Variants in TSHZ3 observed in about 807,000 individuals in gnomAD.
The protein encoded by TSHZ3 is teashirt homolog 3.
A neutral mutation model predicts 64.5 loss-of-function variants in TSHZ3; 10 were observed. The observed-to-expected ratio is 0.16, with a 90% confidence interval of 0.10 to 0.26. TSHZ3 has a LOEUF of 0.26. Ranked by LOEUF, TSHZ3 falls within the 10% of genes least tolerant of loss-of-function variation. The pLI is 1.00. For synonymous variants in TSHZ3, 608 were observed against 593.1 expected (o/e 1.03, Z -0.36); for missense variants, 1,242 against 1,421.7 (o/e 0.87, Z 2.03).
chr19:31,275,996 A>G lies in TSHZ3; in HGVS notation c.*551T>C, dbSNP rs971287184. 7 of 152,798 alleles carry G rather than the reference A, an allele frequency of 4.6e-5. No individual in the cohort carries two copies. Among genetic ancestry groups the G allele is most frequent in the Admixed American group, 1.3e-4 (2 of 15,302 alleles). 9.5% of individuals were successfully genotyped at this position (152,798 alleles called of 1,614,324 possible). A position where few individuals can be genotyped will look rare whatever the true frequency, so the allele number is the denominator to read the frequency against. Reference sequence around the variant, plus strand: ...TTCAATGTGAAAATAATATTCTTTTAAATTTCAAGGCGTGTTATACCCCTG... The same window carrying G: ...TTCAATGTGAAAATAATATTCTTTTGAATTTCAAGGCGTGTTATACCCCTG... On this transcript the variant is annotated 3_prime_UTR_variant, in exon 2 of 2. Coordinates refer to ENST00000240587, the MANE Select transcript of TSHZ3 (RefSeq NM_020856.4).
intron 1 of TSHZ3, among the ~76,000 whole-genome samples, chr19:31,311,110 C>G (rs552070791): frequency 6.6e-6 from 1 of 152,218 alleles, no homozygotes; most frequent in Non-Finnish European, 1.5e-5. Flanking sequence ...AAAATTCTCT[C>G]TCCGTCTCAG....
intron 4 of TSHZ3, among the ~76,000 whole-genome samples, chr19:31,218,981 G>A (rs1000837264): frequency 6.6e-6 from 1 of 152,192 alleles, no homozygotes; most frequent in Non-Finnish European, 1.5e-5. Flanking sequence ...CACTGTGACT[G>A]TCAGGAGGTT....
chr19:31,152,221 CTG>C (rs143245676), intron 6 of TSHZ3, among the ~76,000 whole-genome samples: 5,133 of 151,980 alleles, frequency 0.034, 275 homozygotes, highest in African/African-American at 0.12. Flanking sequence ...TTCCATATTA[CTG>C]TGTCTTTCCA....
chr19:31,226,977 C>CTTTTTTTTTTTTTTTTTTTTTTTTT (rs3030229), intron 4 of TSHZ3, among the ~76,000 whole-genome samples: 13 of 65,680 alleles, frequency 2.0e-4, no homozygotes, highest in African/African-American at 6.8e-4. Context: ...TTCTTTCTTT[C>CTTTTTTTTTTTTTTTTTTTTTTTTT]TTTTTTTTTT....
At chr19:31,213,390 A>AAAAAAAAAAG (rs1173876714) in intron 4 of TSHZ3, among the ~76,000 whole-genome samples, 1 of 146,782 alleles carries the variant, frequency 6.8e-6, no homozygotes, top group Non-Finnish European at 1.5e-5. Flanking sequence ...AAAAAAAAAA[A>AAAAAAAAAAG]ATCAGTGGTG....
At chr19:31,285,426 G>A (rs568372681) in intron 1 of TSHZ3, among the ~76,000 whole-genome samples, 47 of 149,786 alleles carry the variant, frequency 3.1e-4, no homozygotes, top group Non-Finnish European at 6.2e-4. Flanking sequence ...GCTGCAGCGA[G>A]TTAGGATCAC....
At chr19:31,168,490 T>A (rs1974488469) in intron 5 of TSHZ3, among the ~76,000 whole-genome samples, 1 of 152,208 alleles carries the variant, frequency 6.6e-6, no homozygotes, top group African/African-American at 2.4e-5. Context: ...ACTGAACAAC[T>A]GGAGCCAAAG....
chr19:31,277,732 C>A lies in TSHZ3; in HGVS notation c.2061G>T (p.Pro687=). 6.6e-7 allele frequency: 1 copy of A among 1,522,080 alleles called. No homozygotes were observed. The highest frequency in any genetic ancestry group is 1.3e-5 in the South Asian group (1 of 75,304). 94.3% of individuals were successfully genotyped at this position (1,522,080 alleles called of 1,614,324 possible). A position where few individuals can be genotyped will look rare whatever the true frequency, so the allele number is the denominator to read the frequency against. The part of the protein sequence containing the change: ...GCKDGSPLAE[P]VENGKELVKP... Reference sequence around the variant, plus strand: ...TCACCAGCTCCTTGCCATTCTCCACCGGCTCAGCGAGGGGGCTCCCATCCT... The same window carrying A: ...TCACCAGCTCCTTGCCATTCTCCACAGGCTCAGCGAGGGGGCTCCCATCCT... Residue 687 remains proline, a synonymous_variant, in exon 2 of 2, where the codon CCG becomes CCT. Transcript: ENST00000240587. This position sits in a 1 kb window ranked among gnomAD's most constrained non-coding sequence, Gnocchi z 4.5.
At chr19:31,221,491 G>T (rs1975394411) in intron 4 of TSHZ3, among the ~76,000 whole-genome samples, 1 of 152,206 alleles carries the variant, frequency 6.6e-6, no homozygotes, top group South Asian at 2.1e-4. Context: ...CCTCAGCCAT[G>T]TGCCCGAGGT....
rs1263589924 is a variant in TSHZ3 at position 31,279,160 on chromosome 19, G to C, written c.633C>G (p.Ala211=). 1.9e-6 allele frequency: 3 copies of C among 1,612,966 alleles called. No individual in the cohort carries two copies. Among genetic ancestry groups the C allele is most frequent in the Non-Finnish European group, 2.5e-6 (3 of 1,179,066 alleles). ...TGCAGTCCTTACAGCGGAACTTGCT[G>C]GCCCCCGTGAAGATGGAGCCATAGA... ...SKLYGSIFTG[A]SKFRCKDCSA... Residue 211 remains alanine (A), a synonymous_variant, in exon 2 of 2, where the codon GCC becomes GCG. Transcript: ENST00000240587. The surrounding 1 kb of genome is among the most constrained non-coding windows in gnomAD (Gnocchi z 6.4).
intron 3 of TSHZ3, among the ~76,000 whole-genome samples, chr19:31,232,196 T>C (rs1599595872): frequency 6.6e-6 from 1 of 152,162 alleles, no homozygotes; most frequent in African/African-American, 2.4e-5. Flanking sequence ...CCATCCCTGC[T>C]GCTCAAATGA....
chr19:31,315,880 G>A (rs775045119), intron 1 of TSHZ3, among the ~76,000 whole-genome samples: 36 of 152,160 alleles, frequency 2.4e-4, no homozygotes, highest in African/African-American at 8.4e-4. Flanking sequence ...AAAGTGATGT[G>A]AGCTGAGCTC....
chr19:31,291,539 G>C (rs1475581520), intron 1 of TSHZ3, among the ~76,000 whole-genome samples: 1 of 152,194 alleles, frequency 6.6e-6, no homozygotes, highest in Non-Finnish European at 1.5e-5. Context: ...TGGGGAGCTT[G>C]CTCTGCTGCA....
chr19:31,345,823 A>G (rs1917576018), intron 1 of TSHZ3, among the ~76,000 whole-genome samples: 1 of 152,128 alleles, frequency 6.6e-6, no homozygotes, highest in African/African-American at 2.4e-5. Flanking sequence ...AATGTTTTTT[A>G]AAAACCACTC....
At chr19:31,244,111 T>TTATATATAACAATAACAAAA (rs1975729831) in intron 1 of TSHZ3, among the ~76,000 whole-genome samples, 6 of 152,154 alleles carry the variant, frequency 3.9e-5, no homozygotes, top group African/African-American at 1.4e-4. Context: ...ACAATGACAG[T>TTATATATAACAATAACAAAA]GTATGATATA....
Position 31,290,102 on chromosome 19 carries a change from C to T in TSHZ3, c.41-10350G>A, listed in dbSNP as rs535620940. On this transcript the variant is annotated intron_variant, in intron 1 of 1. Coordinates refer to ENST00000240587, the MANE Select transcript of TSHZ3 (RefSeq NM_020856.4). ...CACCTGCCATATCAGCTGTGTCTGA[C>T]GCCACCCGATTTAGGGCCTAGAGCT... Among the ~76,000 whole-genome samples, 86 of 152,244 alleles carry T rather than the reference C, an allele frequency of 5.6e-4. 1 individual carries two copies. Among genetic ancestry groups the T allele is most frequent in the African/African-American group, 1.9e-3 (81 of 41,556 alleles).
intron 1 of TSHZ3, among the ~76,000 whole-genome samples, chr19:31,264,124 GC>G (rs1285494138): frequency 2.6e-5 from 4 of 152,210 alleles, no homozygotes; most frequent in African/African-American, 9.7e-5. Flanking sequence ...TATCCAAATG[GC>G]CTCACATTCC....
At chr19:31,232,107 C>A (rs1975548387) in intron 3 of TSHZ3, among the ~76,000 whole-genome samples, 1 of 152,116 alleles carries the variant, frequency 6.6e-6, no homozygotes, top group African/African-American at 2.4e-5. Context: ...TGCCTCCTGC[C>A]CCTGAGCTAG....
Position 31,279,717 on chromosome 19 carries a change from C to T in TSHZ3, c.76G>A (p.Val26Met). 6.6e-7 allele frequency: 1 copy of T among 1,525,582 alleles called. No homozygotes were observed. Among genetic ancestry groups the T allele is most frequent in the Non-Finnish European group, 8.8e-7 (1 of 1,136,222 alleles). 94.5% of individuals were successfully genotyped at this position (1,525,582 alleles called of 1,614,324 possible). A position where few individuals can be genotyped will look rare whatever the true frequency, so the allele number is the denominator to read the frequency against. ...VSEELKAAAL[V>M]DEGLDPEEHT... Reference sequence around the variant, plus strand: ...TCCTCTGGGTCTAAACCTTCGTCCACCAGGGCAGCAGCCTTTAACTCTTCG... The same window carrying T: ...TCCTCTGGGTCTAAACCTTCGTCCATCAGGGCAGCAGCCTTTAACTCTTCG... The change falls in exon 2 of 2, where the codon GTG (valine) becomes ATG (methionine). Residue 26 changes from valine to methionine, a missense_variant. Val to Met is a conservative substitution (Grantham distance 21). This residue lies in a region of TSHZ3 where 555 missense variants were observed against 704.0 expected (regional missense o/e 0.79). Transcript: ENST00000240587. The surrounding 1 kb of genome is among the most constrained non-coding windows in gnomAD (Gnocchi z 6.4).
Sources: gnomAD v4.1 joint callset for allele counts (sites outside exome capture counted in the v4.1 genomes callset) on GRCh38, gnomAD v4.1.1 for gene constraint, gnomAD v4.1.1 regional missense constraint, Gnocchi (gnomAD v3.1) non-coding constraint, MANE v1.5 for transcripts, NCBI Gene and HGNC (gene_info 2026-07-23, HGNC 2026-07-21) for gene names.